The following CD200 variants were observed in gnomAD, a reference collection of about 807,000 sequenced individuals.
CD200 encodes the protein CD200 molecule.
In CD200, 15 loss-of-function variants were observed where a neutral mutation model predicts 30.9. The ratio of observed to expected loss-of-function variants is 0.49; its 90% confidence interval spans 0.32 to 0.75. The LOEUF (loss-of-function observed/expected upper bound fraction) is 0.75, where lower values mean the gene tolerates loss of function less well. Ranked by LOEUF, CD200 falls within the 30% of genes least tolerant of loss-of-function variation. The pLI, the probability that CD200 is intolerant of heterozygous loss-of-function variation, is 0.03. For missense variants in CD200, 262 were observed against 324.2 expected (o/e 0.81, Z 1.47); for synonymous variants, 134 against 126.2 (o/e 1.06, Z -0.41).
chr3:112,349,863 T>C (rs1473214551), intron 5 of CD200, 44 bp downstream of exon 5: 2 of 1,552,234 alleles, frequency 1.3e-6, no homozygotes, highest in Admixed American at 2.0e-5. Context: ...AAATTAAATT[T>C]GATTTTTAAT....
At position 112,352,863 on chromosome 3, in the gene CD200, TATAATGCCAGAGAGC is replaced by T. The variant is rs2081559883; in HGVS notation, c.802+3047_802+3061del. On this transcript the variant is annotated intron_variant, in intron 5 of 5. Coordinates refer to ENST00000315711, the MANE Select transcript of CD200 (RefSeq NM_005944.7). ...GACCATTACTTTTCTTGTGATCCTG[TATAATGCCAGAGAGC>T]ATGACGTTGGTTTTTTCCAACTGCG... is the stretch of plus-strand genomic sequence containing the variant. Among the ~76,000 whole-genome samples, 9 of 152,324 alleles carry T rather than the reference TATAATGCCAGAGAGC, an allele frequency of 5.9e-5. No individual in the cohort carries two copies. The South Asian group carries it at 1.9e-3, about 32-fold the overall frequency.
chr3:112,355,999 A>G (rs1039999316), intron 5 of CD200, among the ~76,000 whole-genome samples: 5 of 152,222 alleles, frequency 3.3e-5, no homozygotes, highest in African/African-American at 1.2e-4. Flanking sequence ...TGTACTACAA[A>G]CATGCAAGAC....
Position 112,333,207 on chromosome 3 carries a change from G to A in CD200, c.-6G>A, listed in dbSNP as rs1224935517. The A allele has an allele frequency of 1.2e-5, 19 of 1,550,148 alleles. No homozygotes were observed. Among genetic ancestry groups the A allele is most frequent in the African/African-American group, 1.4e-5 (1 of 73,082 alleles). On this transcript the variant is annotated 5_prime_UTR_variant, in exon 1 of 6. Transcript: ENST00000315711. ...AGCCACCTCGCGCGCGCCTCCAGGA[G>A]CAAGGATGGAGAGGCTGGTGAGCGG...
intron 1 of CD200, among the ~76,000 whole-genome samples, chr3:112,338,552 G>T (rs1342922238): frequency 6.6e-6 from 1 of 152,172 alleles, no homozygotes; most frequent in Non-Finnish European, 1.5e-5. Context: ...TAGCATGTTT[G>T]TAGGTGCTGA....
intron 5 of CD200, among the ~76,000 whole-genome samples, chr3:112,353,258 T>C (rs953979228): frequency 6.6e-6 from 1 of 152,210 alleles, no homozygotes; most frequent in Non-Finnish European, 1.5e-5. Context: ...TTGAGGCAGA[T>C]CATCATAGAC....
chr3:112,353,864 C>T (rs558304928), intron 5 of CD200, among the ~76,000 whole-genome samples: 35 of 152,234 alleles, frequency 2.3e-4, no homozygotes, highest in African/African-American at 7.9e-4. Context: ...CACTACCCAA[C>T]CCCACCCCAG....
chr3:112,361,938 A>G lies in CD200; in HGVS notation c.*388A>G, dbSNP rs2081749841. 1.0e-5 allele frequency: 2 copies of G among 198,518 alleles called. No homozygotes were observed. The highest frequency in any genetic ancestry group is 5.9e-5 in the Admixed American group (1 of 17,092). 12.3% of individuals were successfully genotyped at this position (198,518 alleles called of 1,614,324 possible). On this transcript the variant is annotated 3_prime_UTR_variant, in exon 6 of 6. Coordinates refer to ENST00000315711, the MANE Select transcript of CD200 (RefSeq NM_005944.7). ...GGAATTGGACCAAATAATTTACCAC[A>G]TAGCTCTAAAACTTAATTTAAAATG...
intron 2 of CD200, among the ~76,000 whole-genome samples, chr3:112,341,939 A>G (rs1305169947): frequency 6.6e-6 from 1 of 152,160 alleles, no homozygotes; most frequent in Admixed American, 6.5e-5. Context: ...TTAGTTTTGA[A>G]TCATGCAATA....
At position 112,345,114 on chromosome 3, in the gene CD200, G is replaced by C; in HGVS notation, c.247G>C (p.Gly83Arg). 6.2e-7 allele frequency: 1 copy of C among 1,614,034 alleles called. No homozygotes were observed. The highest frequency in any genetic ancestry group is 8.5e-7 in the Non-Finnish European group (1 of 1,179,984). ...CATGGTCACCTTCAGCGAGAACCAT[G>C]GGGTGGTGATCCAGCCTGCCTATAA... ...ENMVTFSENH[G>R]VVIQPAYKDK... The change falls in exon 3 of 6, where the codon GGG becomes CGG. Residue 83 changes from glycine (G) to arginine (R), a missense_variant. Transcript: ENST00000315711.
At chr3:112,348,367 G>A (rs1262764160) in intron 4 of CD200, among the ~76,000 whole-genome samples, 1 of 152,188 alleles carries the variant, frequency 6.6e-6, no homozygotes, top group Non-Finnish European at 1.5e-5. Flanking sequence ...TCTACACTGT[G>A]AGAAAGGGAC....
At chr3:112,344,810 G>T in intron 2 of CD200, 152 bp from the exon 3 acceptor site, 1 of 618,624 alleles carries the variant, frequency 1.6e-6, no homozygotes, top group South Asian at 2.2e-5. Flanking sequence ...TATTTCTCTG[G>T]CATCACGTAG....
upstream of CD200, chr3:112,332,673 TCAC>T (rs1215017797): frequency 5.8e-6 from 1 of 172,932 alleles, no homozygotes; most frequent in Non-Finnish European, 1.2e-5. Flanking sequence ...AGGAAACTCT[TCAC>T]CAAAGAATTG....
At position 112,361,827 on chromosome 3, in the gene CD200, T is replaced by C. The variant is rs1214458878; in HGVS notation, c.*277T>C. 3.9e-6 allele frequency: 2 copies of C among 511,006 alleles called. No individual in the cohort carries two copies. Among genetic ancestry groups the C allele is most frequent in the Admixed American group, 3.3e-5 (1 of 30,574 alleles). The allele number at this position is 511,006 out of a possible 1,614,324, so 31.7% of individuals were successfully genotyped here. On this transcript the variant is annotated 3_prime_UTR_variant, in exon 6 of 6. Coordinates refer to ENST00000315711, the MANE Select transcript of CD200 (RefSeq NM_005944.7). The stretch of plus-strand genomic sequence containing the variant: ...TTGAAAGGGCACTGGACTTAGTTAG[T>C]ATCAGGAGCACTGAGCTCACAGACT...
chr3:112,358,860 G>A (rs2081680095), intron 5 of CD200, among the ~76,000 whole-genome samples: 1 of 151,954 alleles, frequency 6.6e-6, no homozygotes, highest in South Asian at 2.1e-4. Flanking sequence ...CTCATACCTT[G>A]CTTCATAGAT....
chr3:112,344,234 A>T (rs2081332654), intron 2 of CD200, among the ~76,000 whole-genome samples: 1 of 152,038 alleles, frequency 6.6e-6, no homozygotes. Flanking sequence ...CTTTCATTGT[A>T]TTGGCTTTCT....
chr3:112,340,765 C>T (rs537204108), intron 1 of CD200, 137 bp from the exon 2 acceptor site: 41 of 626,382 alleles, frequency 6.5e-5, no homozygotes, highest in African/African-American at 1.3e-4. Context: ...ACCTCTAGTT[C>T]TGCTCCCACA....
At position 112,345,081 on chromosome 3, in the gene CD200, C is replaced by G; in HGVS notation, c.214C>G (p.Pro72Ala). 6.2e-7 allele frequency: 1 copy of G among 1,614,002 alleles called. No individual in the cohort carries two copies. Residue 72 changes from proline to alanine, a missense_variant, in exon 3 of 6, where the codon CCA becomes GCA. Pro to Ala is a conservative substitution (Grantham distance 27). Transcript: ENST00000315711. Reference protein sequence around the residue: ...VTWQKKKAVSPENMVTFSENH... With the variant: ...VTWQKKKAVSAENMVTFSENH... ...ATGGCAGAAAAAGAAAGCTGTAAGC[C>G]CAGAAAACATGGTCACCTTCAGCGA... is the stretch of plus-strand genomic sequence containing the variant.
At chr3:112,334,298 G>C in intron 1 of CD200, 2 of 975,990 alleles carry the variant, frequency 2.0e-6, no homozygotes, top group Non-Finnish European at 2.4e-6. Context: ...GTGGGCAGCT[G>C]TCTGGTAAGA....
chr3:112,337,361 A>T (rs999737775), intron 1 of CD200, among the ~76,000 whole-genome samples: 5 of 152,186 alleles, frequency 3.3e-5, no homozygotes, highest in Middle Eastern at 3.2e-3. Context: ...TTACATAAAT[A>T]CAAGTGAGGG....
Sources: allele counts gnomAD v4.1 joint callset (sites outside exome capture counted in the v4.1 genomes callset), GRCh38; gene constraint gnomAD v4.1.1; transcripts MANE v1.5; gene names NCBI Gene and HGNC (gene_info 2026-07-23, HGNC 2026-07-21).